Variants in FIP1L1 observed in about 807,000 individuals in gnomAD.
FIP1L1 encodes the protein factor interacting with PAPOLA and CPSF1, also known as pre-mRNA 3'-end-processing factor FIP1.
In FIP1L1, 21 loss-of-function variants were observed where a neutral mutation model predicts 84.6. The ratio of observed to expected loss-of-function variants is 0.25; its 90% confidence interval spans 0.18 to 0.36. The LOEUF is 0.36. FIP1L1 is among the 10% of genes least tolerant of loss of function. The probability of loss-of-function intolerance (pLI) is 1.00; values close to 1 mark genes in which losing one functional copy is unlikely to be tolerated. For synonymous variants in FIP1L1, 263 were observed against 242.3 expected (o/e 1.09, Z -0.80); for missense variants, 526 against 751.1 (o/e 0.70, Z 3.50).
At chr4:53,390,409 G>T in intron 6 of FIP1L1, 112 bp from the exon 7 acceptor site, 1 of 616,852 alleles carries the variant, frequency 1.6e-6, no homozygotes, top group Non-Finnish European at 2.8e-6. Context: ...TTCTGTTTGT[G>T]TGTGTATATG....
intron 9 of FIP1L1, among the ~76,000 whole-genome samples, chr4:53,392,985 T>G (rs1745100251): frequency 1.3e-5 from 2 of 152,218 alleles, no homozygotes; most frequent in South Asian, 4.1e-4. Context: ...GGGTGTGTAT[T>G]AAGAATATGT....
intron 15 of FIP1L1, among the ~76,000 whole-genome samples, chr4:53,450,137 G>A (rs1775796288): frequency 6.6e-6 from 1 of 151,878 alleles, no homozygotes; most frequent in African/African-American, 2.4e-5. Context: ...TTATATTGGA[G>A]ACTTAGCTCA....
At chr4:53,418,898 T>C (rs1760981502) in intron 11 of FIP1L1, among the ~76,000 whole-genome samples, 2 of 152,350 alleles carry the variant, frequency 1.3e-5, no homozygotes, top group Middle Eastern at 3.4e-3. Context: ...TCCTTTTATG[T>C]CTTGATGAGA....
intron 15 of FIP1L1, among the ~76,000 whole-genome samples, chr4:53,452,462 G>A (rs1236697713): frequency 1.3e-5 from 2 of 152,126 alleles, no homozygotes; most frequent in Non-Finnish European, 2.9e-5. Flanking sequence ...GGGATTACCG[G>A]CATGCACCAC....
At chr4:53,427,125 T>C (rs1405405024) in intron 12 of FIP1L1, among the ~76,000 whole-genome samples, 1 of 152,184 alleles carries the variant, frequency 6.6e-6, no homozygotes, top group East Asian at 1.9e-4. Context: ...TCAAAATAAA[T>C]ACTTTAAGAA....
At position 53,460,395 on chromosome 4, in the gene FIP1L1, C is replaced by G. The variant is rs1222315291; in HGVS notation, c.*946C>G. ...ATTTGAAAGAATAAATTACTAGGAT[C>G]TTTTAAATAGTGATAATACAAAAGT... is the stretch of plus-strand genomic sequence containing the variant. On this transcript the variant is annotated 3_prime_UTR_variant, in exon 18 of 18. Transcript: ENST00000337488. 5.3e-6 allele frequency: 1 copy of G among 188,836 alleles called. No homozygotes were observed. Among genetic ancestry groups the G allele is most frequent in the Non-Finnish European group, 1.1e-5 (1 of 90,204 alleles). The allele number at this position is 188,836 out of a possible 1,614,324, so 11.7% of individuals were successfully genotyped here. A position where few individuals can be genotyped will look rare whatever the true frequency, so the allele number is the denominator to read the frequency against.
At chr4:53,416,866 A>C (rs1251816448) in intron 11 of FIP1L1, among the ~76,000 whole-genome samples, 2 of 152,102 alleles carry the variant, frequency 1.3e-5, no homozygotes, top group African/African-American at 4.8e-5. Context: ...CAGGAGGTTG[A>C]GGTGGGAGAA....
At position 53,459,454 on chromosome 4, in the gene FIP1L1, G is replaced by C. The variant is rs370193198; in HGVS notation, c.*5G>C. ...GAAGCTACACCTGCAGAATAGGCAT[G>C]GTTTTGGCCTTTTGTGTATATTAGT... On this transcript the variant is annotated 3_prime_UTR_variant, in exon 18 of 18. Transcript: ENST00000337488. The C allele has an allele frequency of 9.3e-6, 15 of 1,613,088 alleles. No homozygotes were observed. Among genetic ancestry groups the C allele is most frequent in the Non-Finnish European group, 1.3e-5 (15 of 1,179,530 alleles).
At chr4:53,459,132 G>T (rs1052447939) in intron 17 of FIP1L1, among the ~76,000 whole-genome samples, 170 bp from the exon 18 acceptor site, 13 of 151,926 alleles carry the variant, frequency 8.6e-5, no homozygotes, top group African/African-American at 3.1e-4. Context: ...TACAATCCCT[G>T]CATAAAAGTC....
intron 10 of FIP1L1, among the ~76,000 whole-genome samples, chr4:53,401,859 T>A (rs1340129522): frequency 6.6e-6 from 1 of 151,868 alleles, no homozygotes; most frequent in Admixed American, 6.6e-5. Context: ...AAGGGAAGAG[T>A]ATGGGCTGGA....
chr4:53,456,103 G>A (rs1355232133), intron 16 of FIP1L1, among the ~76,000 whole-genome samples: 1 of 152,032 alleles, frequency 6.6e-6, no homozygotes, highest in East Asian at 1.9e-4. Flanking sequence ...TTCTAATGTG[G>A]AAATGAATAT....
intron 11 of FIP1L1, among the ~76,000 whole-genome samples, chr4:53,421,550 A>G (rs1762440636): frequency 1.3e-5 from 2 of 152,210 alleles, no homozygotes; most frequent in African/African-American, 2.4e-5. Context: ...CTATTTACAT[A>G]TGTGACCTGA....
intron 9 of FIP1L1, among the ~76,000 whole-genome samples, chr4:53,398,762 C>T (rs1401707011): frequency 6.6e-6 from 1 of 152,112 alleles, no homozygotes; most frequent in Non-Finnish European, 1.5e-5. Context: ...AGGAATGTGA[C>T]TGGGCTACAA....
At position 53,428,154 on chromosome 4, in the gene FIP1L1, G is replaced by A; in HGVS notation, c.1145G>A (p.Ser382Asn). ...PPFLPPPPTV[S>N]TAPPLIPPPG... ...TTTCTTCCACCTCCTCCGACTGTCA[G>A]CACTGCTCCACCTCTGATTCCACCA... is the stretch of plus-strand genomic sequence containing the variant. The change falls in exon 13 of 18, where the codon AGC (serine) becomes AAC (asparagine). Residue 382 changes from serine to asparagine, a missense_variant. Transcript: ENST00000337488. 6.3e-7 allele frequency: 1 copy of A among 1,599,074 alleles called. No homozygotes were observed. Among genetic ancestry groups the A allele is most frequent in the Non-Finnish European group, 8.5e-7 (1 of 1,169,896 alleles).
intron 13 of FIP1L1, among the ~76,000 whole-genome samples, chr4:53,440,169 A>T (rs1025080448): frequency 1.3e-5 from 2 of 152,074 alleles, no homozygotes; most frequent in Admixed American, 6.5e-5. Flanking sequence ...CATCATCTTG[A>T]GTTATCCTTG....
intron 10 of FIP1L1, 140 bp from the exon 11 acceptor site, chr4:53,414,475 T>A: frequency 1.3e-5 from 7 of 540,746 alleles, no homozygotes. Flanking sequence ...CAGCAAGTAG[T>A]TTATATGACT....
chr4:53,440,273 A>G (rs17082782), intron 13 of FIP1L1, among the ~76,000 whole-genome samples: 3 of 151,754 alleles, frequency 2.0e-5, no homozygotes, highest in Non-Finnish European at 4.4e-5. Context: ...CATATTTAGT[A>G]AGGATTAACT....
chr4:53,425,838 G>A (rs780103681), intron 11 of FIP1L1, 34 bp from the exon 12 acceptor site: 5 of 1,459,354 alleles, frequency 3.4e-6, no homozygotes, highest in South Asian at 2.4e-5. Flanking sequence ...ATCTAATTAG[G>A]TGAAACTGAA....
chr4:53,444,269 AAATTT>A (rs759042478), intron 15 of FIP1L1, among the ~76,000 whole-genome samples, 166 bp downstream of exon 15: 6 of 152,226 alleles, frequency 3.9e-5, no homozygotes, highest in Non-Finnish European at 7.3e-5. Flanking sequence ...AGCAAACAAT[AAATTT>A]AATGTATTTA....
Sources: gnomAD v4.1 joint callset for allele counts (sites outside exome capture counted in the v4.1 genomes callset) on GRCh38, gnomAD v4.1.1 for gene constraint, MANE v1.5 for transcripts, NCBI Gene and HGNC (gene_info 2026-07-23, HGNC 2026-07-21) for gene names.